Variants in TFAP2D observed in about 807,000 individuals in gnomAD.
TFAP2D encodes transcription factor AP-2 delta, also known as transcription factor AP-2-delta.
TFAP2D carries 9 observed loss-of-function variants against 43.6 expected under a neutral mutation model. The observed-to-expected ratio is 0.21, with a 90% CI of 0.12 to 0.36. The LOEUF is 0.36. Ranked by LOEUF, TFAP2D falls within the 10% of genes least tolerant of loss-of-function variation. The pLI is 1.00. For missense variants in TFAP2D, 513 were observed against 561.4 expected, an observed-to-expected ratio of 0.91 and a Z score of 0.87; for synonymous variants, 256 against 224.9, an observed-to-expected ratio of 1.14 and a Z score of -1.24.
intron 7 of TFAP2D, 90 bp from the exon 8 acceptor site, chr6:50,772,555 T>G: frequency 8.8e-7 from 1 of 1,131,348 alleles, no homozygotes; most frequent in Non-Finnish European, 1.3e-6. Context: ...CCTGTTTAAT[T>G]GAATGTTCTG....
At chr6:50,752,559 TA>T (rs940387788) in intron 7 of TFAP2D, among the ~76,000 whole-genome samples, 22 of 151,952 alleles carry the variant, frequency 1.4e-4, no homozygotes, top group African/African-American at 4.3e-4. Flanking sequence ...AGTGTTTAAA[TA>T]AGTTGAAATT....
At chr6:50,731,449 T>TACACAC (rs35052459) in intron 5 of TFAP2D, among the ~76,000 whole-genome samples, 11 of 149,274 alleles carry the variant, frequency 7.4e-5, no homozygotes, top group African/African-American at 1.2e-4. Flanking sequence ...CCCACTTTCA[T>TACACAC]ACACACACAC....
At chr6:50,737,486 A>G (rs1356898544) in intron 5 of TFAP2D, among the ~76,000 whole-genome samples, 1 of 152,186 alleles carries the variant, frequency 6.6e-6, no homozygotes. Context: ...TAATACAAAC[A>G]AATAGTTCAG....
intron 6 of TFAP2D, among the ~76,000 whole-genome samples, chr6:50,748,748 A>T (rs1488842619): frequency 1.3e-5 from 2 of 151,944 alleles, no homozygotes; most frequent in Non-Finnish European, 2.9e-5. Context: ...TTAGAACTAA[A>T]TATGTCTAAC....
At chr6:50,716,717 G>T (rs946486595) in intron 2 of TFAP2D, among the ~76,000 whole-genome samples, 2 of 152,188 alleles carry the variant, frequency 1.3e-5, no homozygotes, top group Non-Finnish European at 2.9e-5. Flanking sequence ...TAAAAGTGCA[G>T]TTCTACCTGT....
chr6:50,759,650 T>G (rs148489495), intron 7 of TFAP2D, among the ~76,000 whole-genome samples: 35 of 152,132 alleles, frequency 2.3e-4, no homozygotes, highest in African/African-American at 8.2e-4. Flanking sequence ...TATAAAAATC[T>G]CCATTCTCAT....
intron 7 of TFAP2D, among the ~76,000 whole-genome samples, chr6:50,763,800 C>T (rs1272797996): frequency 2.0e-5 from 3 of 152,102 alleles, no homozygotes; most frequent in East Asian, 1.9e-4. Context: ...TCTGGGGAAA[C>T]GTGAAAATTA....
chr6:50,729,458 C>A, intron 5 of TFAP2D, 146 bp downstream of exon 5: 3 of 615,052 alleles, frequency 4.9e-6, no homozygotes, highest in South Asian at 2.3e-5. Flanking sequence ...ATTATCTTGA[C>A]AATGATGATT....
At chr6:50,718,329 T>C (rs1768660587) in intron 2 of TFAP2D, 2 of 152,210 alleles carry the variant, frequency 1.3e-5, no homozygotes, top group Non-Finnish European at 2.9e-5. Context: ...TACTTAACTC[T>C]TCACGGGCTG....
chr6:50,758,950 A>T (rs550495481), intron 7 of TFAP2D, among the ~76,000 whole-genome samples: 1 of 152,060 alleles, frequency 6.6e-6, no homozygotes, highest in Non-Finnish European at 1.5e-5. Flanking sequence ...AGTTTACTCA[A>T]GCAATGAATC....
chr6:50,745,048 C>A, intron 5 of TFAP2D, 59 bp from the exon 6 acceptor site: 4 of 1,596,572 alleles, frequency 2.5e-6, no homozygotes, highest in Non-Finnish European at 2.6e-6. Flanking sequence ...AAATGCAAGA[C>A]ACTACTGTTA....
chr6:50,764,910 G>C (rs1356754748), intron 7 of TFAP2D, among the ~76,000 whole-genome samples: 1 of 152,052 alleles, frequency 6.6e-6, no homozygotes. Flanking sequence ...GTTACATTTT[G>C]GGTGTGTGTG....
intron 5 of TFAP2D, among the ~76,000 whole-genome samples, chr6:50,741,140 A>G (rs949967262): frequency 6.6e-6 from 1 of 152,002 alleles, no homozygotes; most frequent in Non-Finnish European, 1.5e-5. Context: ...AAGTATTACT[A>G]TTGAAAAGAT....
intron 3 of TFAP2D, among the ~76,000 whole-genome samples, chr6:50,721,461 G>A (rs1209854223): frequency 6.6e-6 from 1 of 152,176 alleles, no homozygotes; most frequent in South Asian, 2.1e-4. Flanking sequence ...CAATTTACAA[G>A]TGGATAGCAG....
At chr6:50,725,579 C>G (rs577354218) in intron 3 of TFAP2D, among the ~76,000 whole-genome samples, 2 of 152,250 alleles carry the variant, frequency 1.3e-5, no homozygotes, top group African/African-American at 4.8e-5. Context: ...AGCTGACATG[C>G]AACACAAGCA....
chr6:50,735,903 G>C (rs1650265882), intron 5 of TFAP2D, among the ~76,000 whole-genome samples: 1 of 152,142 alleles, frequency 6.6e-6, no homozygotes, highest in Admixed American at 6.6e-5. Flanking sequence ...TTGAAAACCG[G>C]AATCATTTTG....
chr6:50,769,186 G>A (rs746735935), intron 7 of TFAP2D, among the ~76,000 whole-genome samples: 51 of 152,226 alleles, frequency 3.4e-4, no homozygotes, highest in Non-Finnish European at 6.3e-4. Context: ...GAGCCACTGC[G>A]CCCAGCCCTG....
chr6:50,752,945 A>G (rs1340523281), intron 7 of TFAP2D, among the ~76,000 whole-genome samples: 5 of 151,846 alleles, frequency 3.3e-5, no homozygotes, highest in Admixed American at 3.3e-4. Flanking sequence ...CCCCTTCATT[A>G]TATGGTCATA....
chr6:50,714,720 T>C (rs767150518), intron 1 of TFAP2D, among the ~76,000 whole-genome samples: 2 of 152,232 alleles, frequency 1.3e-5, no homozygotes, highest in Middle Eastern at 3.4e-3. Flanking sequence ...TCGGGTGGAC[T>C]CGTTCCTCTG....
Sources: gnomAD v4.1 joint callset for allele counts (sites outside exome capture counted in the v4.1 genomes callset) on GRCh38, gnomAD v4.1.1 for gene constraint, MANE v1.5 for transcripts, NCBI Gene and HGNC (gene_info 2026-07-23, HGNC 2026-07-21) for gene names.